Variants in WARS2 observed in about 807,000 individuals in gnomAD.
WARS2 encodes the protein tryptophanyl tRNA synthetase 2, mitochondrial.
In WARS2, 28 loss-of-function variants were observed where a neutral mutation model predicts 36.5. The ratio of observed to expected loss-of-function variants is 0.77; its 90% CI spans 0.57 to 1.05. The LOEUF (loss-of-function observed/expected upper bound fraction) is 1.05. WARS2 is among the 50% of genes least tolerant of loss of function. The pLI is 0.00. For synonymous variants in WARS2, 174 were observed against 178.4 expected, an observed-to-expected ratio of 0.98 and a Z score of 0.20; for missense variants, 435 against 456.8, an observed-to-expected ratio of 0.95 and a Z score of 0.44.
chr1:119,133,620 T>C (rs1656259383), intron 1 of WARS2, among the ~76,000 whole-genome samples: 1 of 152,242 alleles, frequency 6.6e-6, no homozygotes. Context: ...AAAACCATGC[T>C]TGGCACATAG....
At chr1:119,088,388 G>C (rs1652818354) in intron 1 of WARS2, among the ~76,000 whole-genome samples, 1 of 151,046 alleles carries the variant, frequency 6.6e-6, no homozygotes, top group Non-Finnish European at 1.5e-5. Flanking sequence ...TAAGCCAACT[G>C]CTACATAATT....
chr1:119,126,070 T>C (rs1655633259), intron 1 of WARS2, among the ~76,000 whole-genome samples: 1 of 152,196 alleles, frequency 6.6e-6, no homozygotes, highest in South Asian at 2.1e-4. Context: ...CATTTTTTGC[T>C]GATACAGCAC....
chr1:119,096,428 A>G (rs1653447919), intron 1 of WARS2, among the ~76,000 whole-genome samples: 1 of 152,158 alleles, frequency 6.6e-6, no homozygotes, highest in Admixed American at 6.5e-5. Context: ...TCCCTTTTGC[A>G]GTAAACAATA....
rs376881017 is a variant in WARS2, at chr1:119,053,740, C to A, written c.349-8078G>T. On this transcript the variant is annotated intron_variant, in intron 2 of 5. Coordinates refer to ENST00000235521, the MANE Select transcript of WARS2 (RefSeq NM_015836.4). ...CATATGTCTGGCAAGCAGTTAACATCCAGATTATACAAAGAACTCTTAAGG... is the reference window on the plus strand; with the variant it reads ...CATATGTCTGGCAAGCAGTTAACATACAGATTATACAAAGAACTCTTAAGG... Among the ~76,000 whole-genome samples, 23 of 152,226 alleles carry A rather than the reference C, an allele frequency of 1.5e-4. No individual in the cohort carries two copies. In the South Asian group the frequency reaches 4.2e-3, roughly 27 times the overall value.
intron 1 of WARS2, among the ~76,000 whole-genome samples, chr1:119,121,171 G>A (rs916373013): frequency 6.6e-6 from 1 of 151,976 alleles, no homozygotes; most frequent in South Asian, 2.1e-4. Context: ...AAAGGTCCTA[G>A]ATCTAATAAA....
intron 1 of WARS2, among the ~76,000 whole-genome samples, chr1:119,103,967 A>G (rs1654059654): frequency 6.6e-6 from 1 of 150,596 alleles, no homozygotes; most frequent in South Asian, 2.1e-4. Context: ...TTTAATTAAA[A>G]ATATATTTTT....
At chr1:119,103,059 C>A (rs976789117) in intron 1 of WARS2, among the ~76,000 whole-genome samples, 7 of 152,118 alleles carry the variant, frequency 4.6e-5, no homozygotes, top group African/African-American at 1.4e-4. Flanking sequence ...AGGTAATATT[C>A]ACGGAAAAGA....
At chr1:119,109,134 T>G (rs1255274445) in intron 1 of WARS2, among the ~76,000 whole-genome samples, 1 of 152,016 alleles carries the variant, frequency 6.6e-6, no homozygotes, top group Non-Finnish European at 1.5e-5. Flanking sequence ...TGGTTCAGAA[T>G]GTGGTCTATC....
intron 1 of WARS2, among the ~76,000 whole-genome samples, chr1:119,115,525 C>G (rs1227508041): frequency 6.6e-6 from 1 of 152,158 alleles, no homozygotes; most frequent in East Asian, 1.9e-4. Context: ...TGTAGCATAG[C>G]TTTTTCTCTA....
chr1:119,102,224 GAAGTC>G (rs1653924490), intron 1 of WARS2, among the ~76,000 whole-genome samples: 1 of 152,224 alleles, frequency 6.6e-6, no homozygotes, highest in Non-Finnish European at 1.5e-5. Context: ...ATTCCCTTGA[GAAGTC>G]TATAGTCCAG....
chr1:119,033,272 G>A lies in WARS2; in HGVS notation c.722C>T (p.Thr241Ile), dbSNP rs1647596880. Residue 241 changes from threonine to isoleucine, a missense_variant, in exon 6 of 6, where the codon ACA becomes ATA. Transcript: ENST00000235521. ...DPDKLATVRI[T>I]DSPEEIVQKF... ...CTGCACTATCTCCTCTGGGCTGTCT[G>A]TTATTCGGACGGTGGCCAGTTTGTC... The A allele has an allele frequency of 1.2e-6, 2 of 1,614,244 alleles. No individual in the cohort carries two copies. Among genetic ancestry groups the A allele is most frequent in the Non-Finnish European group, 1.7e-6 (2 of 1,180,044 alleles).
At chr1:119,130,170 A>G (rs1655998359) in intron 1 of WARS2, among the ~76,000 whole-genome samples, 1 of 152,210 alleles carries the variant, frequency 6.6e-6, no homozygotes, top group Non-Finnish European at 1.5e-5. Flanking sequence ...TGTCAATACA[A>G]TAAATGAGCT....
At chr1:119,076,268 G>A in intron 2 of WARS2, 82 bp downstream of exon 2, 1 of 1,516,478 alleles carries the variant, frequency 6.6e-7, no homozygotes, top group Non-Finnish European at 8.9e-7. Flanking sequence ...ATCACGAGCA[G>A]GGGCTGTATG....
intron 1 of WARS2, among the ~76,000 whole-genome samples, chr1:119,122,496 G>A (rs941985718): frequency 6.6e-6 from 1 of 152,144 alleles, no homozygotes; most frequent in African/African-American, 2.4e-5. Flanking sequence ...ATTCCTTAAA[G>A]AATTAAAAGT....
chr1:119,044,776 C>T (rs1422939325), intron 3 of WARS2, among the ~76,000 whole-genome samples: 1 of 152,184 alleles, frequency 6.6e-6, no homozygotes, highest in Non-Finnish European at 1.5e-5. Flanking sequence ...CCCTCAAGAT[C>T]TAATCACCTC....
intron 1 of WARS2, among the ~76,000 whole-genome samples, chr1:119,121,732 A>G (rs1655337915): frequency 6.6e-6 from 1 of 152,198 alleles, no homozygotes; most frequent in Non-Finnish European, 1.5e-5. Context: ...ACCCAGAAAT[A>G]AAGCTTAATA....
chr1:119,078,817 G>T (rs1651967290), intron 1 of WARS2, among the ~76,000 whole-genome samples: 1 of 151,888 alleles, frequency 6.6e-6, no homozygotes, highest in African/African-American at 2.4e-5. Flanking sequence ...TTAATTTTAT[G>T]AATCAGATAT....
intron 1 of WARS2, among the ~76,000 whole-genome samples, chr1:119,113,002 G>T (rs753182199): frequency 5.9e-5 from 9 of 152,112 alleles, no homozygotes; most frequent in Non-Finnish European, 1.0e-4. Flanking sequence ...AAAGAAGTAA[G>T]GTCAATAGAT....
intron 1 of WARS2, among the ~76,000 whole-genome samples, chr1:119,138,581 C>T (rs1168992617): frequency 3.3e-5 from 5 of 152,128 alleles, no homozygotes; most frequent in Admixed American, 3.3e-4. Context: ...TTGTTCCCTT[C>T]CAGGCTTTTT....
Sources: allele counts gnomAD v4.1 joint callset (sites outside exome capture counted in the v4.1 genomes callset), GRCh38; gene constraint gnomAD v4.1.1; transcripts MANE v1.5; gene names NCBI Gene and HGNC (gene_info 2026-07-23, HGNC 2026-07-21).